ELOVL4: variants seen among roughly 807,000 people sequenced by gnomAD.
The protein encoded by ELOVL4 is very long chain fatty acid elongase 4.
ELOVL4 carries 18 observed loss-of-function variants against 42.1 expected under a neutral mutation model. The ratio of observed to expected loss-of-function variants is 0.43; its 90% CI spans 0.30 to 0.63. ELOVL4 has a LOEUF of 0.63. Ranked by LOEUF, ELOVL4 falls within the 30% of genes least tolerant of loss-of-function variation. The pLI is 0.15. For synonymous variants in ELOVL4, 117 were observed against 127.0 expected (o/e 0.92, Z 0.53); for missense variants, 299 against 376.2 (o/e 0.79, Z 1.70).
At chr6:79,922,735 T>C (rs1774279370) in intron 3 of ELOVL4, among the ~76,000 whole-genome samples, 1 of 152,224 alleles carries the variant, frequency 6.6e-6, no homozygotes, top group African/African-American at 2.4e-5. Context: ...AGGATCCCTT[T>C]GCATTTTATA....
At position 79,947,436 on chromosome 6, in the gene ELOVL4, G is replaced by A. The variant is rs1287517508; in HGVS notation, c.-157C>T. On this transcript the variant is annotated 5_prime_UTR_variant, in exon 1 of 6. Transcript: ENST00000369816. ...CTTCTCCTGCTCCTCAAGGCGCCGC[G>A]GCGGCGGGGATGCGGCAGAAGGCAG... 1.5e-6 allele frequency: 1 copy of A among 656,292 alleles called. No homozygotes were observed. Among genetic ancestry groups the A allele is most frequent in the African/African-American group, 1.8e-5 (1 of 55,254 alleles). 40.7% of individuals were successfully genotyped at this position (656,292 alleles called of 1,614,324 possible).
chr6:79,944,863 A>G (rs1248548743), intron 1 of ELOVL4, among the ~76,000 whole-genome samples: 1 of 151,948 alleles, frequency 6.6e-6, no homozygotes, highest in African/African-American at 2.4e-5. Context: ...CTTCTTTCCA[A>G]ACATTTGACT....
At chr6:79,942,673 A>C (rs763801550) in intron 1 of ELOVL4, among the ~76,000 whole-genome samples, 22 of 152,226 alleles carry the variant, frequency 1.4e-4, no homozygotes, top group Non-Finnish European at 3.2e-4. Flanking sequence ...CCTAAGCCAA[A>C]GAATCTAAGT....
At chr6:79,922,367 A>G (rs747137582) in intron 3 of ELOVL4, among the ~76,000 whole-genome samples, 1 of 152,170 alleles carries the variant, frequency 6.6e-6, no homozygotes, top group Non-Finnish European at 1.5e-5. Flanking sequence ...TTAAAATAAA[A>G]AATTGGAATG....
intron 1 of ELOVL4, among the ~76,000 whole-genome samples, chr6:79,935,642 T>C (rs1236117703): frequency 1.3e-5 from 2 of 152,206 alleles, no homozygotes; most frequent in South Asian, 2.1e-4. Context: ...AACCAAATCA[T>C]TGGCCCTTTT....
At chr6:79,934,769 A>G (rs2127701073) in intron 1 of ELOVL4, among the ~76,000 whole-genome samples, 1 of 152,320 alleles carries the variant, frequency 6.6e-6, no homozygotes, top group South Asian at 2.1e-4. Context: ...TGAGGAATAG[A>G]ACAACATGTA....
chr6:79,924,911 A>C, intron 3 of ELOVL4, 41 bp downstream of exon 3: 2 of 1,311,524 alleles, frequency 1.5e-6, no homozygotes, highest in East Asian at 2.3e-5. Context: ...TATAAAAATC[A>C]AACCACTTTT....
chr6:79,926,426 GT>G (rs1774344959), intron 1 of ELOVL4, 45 bp from the exon 2 acceptor site: 4 of 1,560,218 alleles, frequency 2.6e-6, no homozygotes, highest in Non-Finnish European at 3.5e-6. Context: ...ATCAGTAAAT[GT>G]TTTATAAAAT....
intron 1 of ELOVL4, among the ~76,000 whole-genome samples, chr6:79,941,344 A>T (rs1339821199): frequency 6.6e-6 from 1 of 152,152 alleles, no homozygotes; most frequent in East Asian, 1.9e-4. Context: ...CCCAGTCCAG[A>T]ATTCTTCCCA....
chr6:79,947,038 G>T, intron 1 of ELOVL4, 142 bp downstream of exon 1: 2 of 700,218 alleles, frequency 2.9e-6, no homozygotes, highest in Non-Finnish European at 5.0e-6. Flanking sequence ...CGCAGTGCCC[G>T]CGCCGGCCCC....
chr6:79,928,463 G>A (rs1171882005), intron 1 of ELOVL4, among the ~76,000 whole-genome samples: 1 of 152,060 alleles, frequency 6.6e-6, no homozygotes, highest in Non-Finnish European at 1.5e-5. Context: ...CCAAACCTCT[G>A]CCAGAAATTA....
intron 1 of ELOVL4, among the ~76,000 whole-genome samples, chr6:79,931,821 C>A (rs377073346): frequency 5.9e-5 from 9 of 152,324 alleles, no homozygotes; most frequent in South Asian, 4.1e-4. Context: ...AAGTAAATTT[C>A]ACCTGAATTC....
intron 2 of ELOVL4, among the ~76,000 whole-genome samples, chr6:79,925,959 T>C (rs1774335569): frequency 6.6e-6 from 1 of 152,200 alleles, no homozygotes; most frequent in South Asian, 2.1e-4. Flanking sequence ...CCAGAACAGC[T>C]AATAAGGGTT....
chr6:79,929,976 T>C (rs1038910627), intron 1 of ELOVL4, among the ~76,000 whole-genome samples: 3 of 152,230 alleles, frequency 2.0e-5, no homozygotes, highest in Non-Finnish European at 4.4e-5. Flanking sequence ...CTATTCTCTA[T>C]CCTTTCTGCC....
chr6:79,936,005 A>G (rs1352290611), intron 1 of ELOVL4, among the ~76,000 whole-genome samples: 1 of 152,184 alleles, frequency 6.6e-6, no homozygotes, highest in Admixed American at 6.5e-5. Flanking sequence ...TTTACACATT[A>G]AAGTCTAAGG....
chr6:79,947,458 G>T lies in ELOVL4; in HGVS notation c.-179C>A. The T allele has an allele frequency of 1.6e-6, 1 of 625,246 alleles. No homozygotes were observed. Among genetic ancestry groups the T allele is most frequent in the East Asian group, 2.8e-5 (1 of 35,696 alleles). 38.7% of individuals were successfully genotyped at this position (625,246 alleles called of 1,614,324 possible). ...CGCGGCGGCGGGGATGCGGCAGAAG[G>T]CAGGGCCAAGCGGAAGGCGTCGTCA... On this transcript the variant is annotated 5_prime_UTR_variant, in exon 1 of 6. Coordinates refer to ENST00000369816, the MANE Select transcript of ELOVL4 (RefSeq NM_022726.4).
At chr6:79,916,962 A>T in intron 5 of ELOVL4, 79 bp from the exon 6 acceptor site, 1 of 1,559,840 alleles carries the variant, frequency 6.4e-7, no homozygotes, top group Non-Finnish European at 8.7e-7. Flanking sequence ...TCTTCTACAT[A>T]GCTATCACAG....
At chr6:79,940,933 G>A (rs1282028317) in intron 1 of ELOVL4, among the ~76,000 whole-genome samples, 1 of 152,088 alleles carries the variant, frequency 6.6e-6, no homozygotes, top group Non-Finnish European at 1.5e-5. Flanking sequence ...CAAAACAGAC[G>A]CTTAAATATC....
rs1212973281 is a variant in ELOVL4, at chr6:79,947,337, AC to A, written c.-59del. 8 of 1,400,324 alleles carry A rather than the reference AC, an allele frequency of 5.7e-6. No homozygotes were observed. The highest frequency in any genetic ancestry group is 8.0e-6 in the Non-Finnish European group (8 of 1,005,122). 86.7% of individuals were successfully genotyped at this position (1,400,324 alleles called of 1,614,324 possible). ...AAGCGGAGACCCAGAGAGAGGGCTG[AC>A]CCCGGAGGCGGTGGCGGCCGACGGG... is the stretch of plus-strand genomic sequence containing the variant. On this transcript the variant is annotated 5_prime_UTR_variant, in exon 1 of 6. Coordinates refer to ENST00000369816, the MANE Select transcript of ELOVL4 (RefSeq NM_022726.4).
Sources: gnomAD v4.1 joint callset for allele counts (sites outside exome capture counted in the v4.1 genomes callset) on GRCh38, gnomAD v4.1.1 for gene constraint, MANE v1.5 for transcripts, NCBI Gene and HGNC (gene_info 2026-07-23, HGNC 2026-07-21) for gene names.